Variants in MACO1 observed in about 807,000 individuals in gnomAD.
MACO1 encodes macoilin 1.
MACO1 carries 14 observed loss-of-function variants against 78.7 expected under a neutral mutation model. That is an observed-to-expected ratio of 0.18 (90% CI 0.12 to 0.28). The LOEUF (loss-of-function observed/expected upper bound fraction) is 0.28. Among genes scored for constraint, MACO1 ranks in the 10% least tolerant of loss-of-function variants. MACO1 has a pLI of 1.00. For synonymous variants in MACO1, 288 were observed against 291.6 expected, an observed-to-expected ratio of 0.99 and a Z score of 0.12; for missense variants, 501 against 799.0, an observed-to-expected ratio of 0.63 and a Z score of 4.50.
At position 25,454,382 on chromosome 1, in the gene MACO1, GGTAA is replaced by G. The variant is rs1470049714; in HGVS notation, c.473+4_473+7del. ...CTTTGTCGTCCATTTGCTGCTCACTGGTAAGTATTACATAAATGTATGTGTGTGT... is the reference window on the plus strand; with the variant it reads ...CTTTGTCGTCCATTTGCTGCTCACTGGTATTACATAAATGTATGTGTGTGT... On this transcript the variant is annotated splice_donor_variant and splice_donor_region_variant and intron_variant, in intron 4 of 10. Coordinates refer to ENST00000374343, the MANE Select transcript of MACO1 (RefSeq NM_018202.6). LOFTEE classifies it high-confidence loss of function. The G allele has an allele frequency of 1.9e-6, 3 of 1,600,220 alleles. No homozygotes were observed. Among genetic ancestry groups the G allele is most frequent in the South Asian group, 1.1e-5 (1 of 89,368 alleles).
intron 4 of MACO1, among the ~76,000 whole-genome samples, chr1:25,455,069 G>A (rs990948414): frequency 2.6e-5 from 4 of 152,080 alleles, no homozygotes; most frequent in Non-Finnish European, 5.9e-5. Context: ...CAAGCACATA[G>A]GTGTCTGATG....
chr1:25,471,142 C>A (rs2043266236), intron 6 of MACO1, among the ~76,000 whole-genome samples: 1 of 152,064 alleles, frequency 6.6e-6, no homozygotes, highest in African/African-American at 2.4e-5. Flanking sequence ...AGTTCGAGAC[C>A]AGCCTTGCCA....
chr1:25,482,487 C>T (rs905756604), intron 6 of MACO1, among the ~76,000 whole-genome samples: 2 of 152,132 alleles, frequency 1.3e-5, no homozygotes, highest in African/African-American at 4.8e-5. Context: ...ATGGCTTGCC[C>T]GCACATGTCT....
At chr1:25,457,533 T>C (rs926532987) in intron 5 of MACO1, among the ~76,000 whole-genome samples, 4 of 152,180 alleles carry the variant, frequency 2.6e-5, no homozygotes, top group Admixed American at 6.5e-5. Context: ...ACATGTAGAA[T>C]TGAACTTCAG....
chr1:25,472,321 C>T (rs757967601), intron 6 of MACO1, among the ~76,000 whole-genome samples: 2 of 152,114 alleles, frequency 1.3e-5, no homozygotes, highest in South Asian at 2.1e-4. Flanking sequence ...CCCATCAACC[C>T]GTCATCTACA....
At chr1:25,444,969 A>G (rs926928665) in intron 1 of MACO1, among the ~76,000 whole-genome samples, 1 of 151,964 alleles carries the variant, frequency 6.6e-6, no homozygotes, top group African/African-American at 2.4e-5. Context: ...TCATCTGGCC[A>G]GCAGAACTCT....
chr1:25,461,311 T>C (rs144326719), intron 6 of MACO1, among the ~76,000 whole-genome samples: 3 of 151,844 alleles, frequency 2.0e-5, no homozygotes, highest in Non-Finnish European at 2.9e-5. Flanking sequence ...TGTATACATA[T>C]GTAACAAACC....
At chr1:25,446,728 C>T in intron 1 of MACO1, 34 bp from the exon 2 acceptor site, 1 of 1,547,224 alleles carries the variant, frequency 6.5e-7, no homozygotes, top group Non-Finnish European at 8.7e-7. Context: ...TCACAAATGA[C>T]CTTAAATTAA....
intron 1 of MACO1, among the ~76,000 whole-genome samples, chr1:25,438,627 G>A (rs1031048707): frequency 6.6e-6 from 1 of 152,220 alleles, no homozygotes; most frequent in African/African-American, 2.4e-5. Flanking sequence ...ACATGACTGG[G>A]CCCCGTGGCT....
chr1:25,460,579 A>AT lies in MACO1; in HGVS notation c.1154+1694dup, dbSNP rs1386454527. On this transcript the variant is annotated intron_variant, in intron 6 of 10. Coordinates refer to ENST00000374343, the MANE Select transcript of MACO1 (RefSeq NM_018202.6). ...GCCACTATGCCTGGCTAATTTTTTA[A>AT]TTTTTTTGTAGAGAGGAGATCTCGC... Among the ~76,000 whole-genome samples the AT allele has an allele frequency of 1.3e-4, 19 of 151,886 alleles. No homozygotes were observed. The East Asian group carries it at 3.3e-3, about 26-fold the overall frequency.
At chr1:25,442,495 G>C (rs953024857) in intron 1 of MACO1, among the ~76,000 whole-genome samples, 1 of 152,174 alleles carries the variant, frequency 6.6e-6, no homozygotes, top group African/African-American at 2.4e-5. Flanking sequence ...AGGTACTAAG[G>C]ATTGATGGCC....
chr1:25,479,507 G>T (rs2043352021), intron 6 of MACO1, among the ~76,000 whole-genome samples: 1 of 152,038 alleles, frequency 6.6e-6, no homozygotes, highest in Non-Finnish European at 1.5e-5. Flanking sequence ...TCTGCCTCCT[G>T]ACTTCAAGCG....
intron 1 of MACO1, among the ~76,000 whole-genome samples, chr1:25,432,679 A>G (rs1397655523): frequency 6.6e-6 from 1 of 152,236 alleles, no homozygotes; most frequent in Non-Finnish European, 1.5e-5. Flanking sequence ...CTATTGAAAA[A>G]TATTTGACCA....
chr1:25,488,839 A>C (rs1346054992), intron 8 of MACO1, among the ~76,000 whole-genome samples: 2 of 151,778 alleles, frequency 1.3e-5, no homozygotes, highest in Non-Finnish European at 2.9e-5. Flanking sequence ...TGTTTTTGAG[A>C]TGGAGTCTCA....
intron 1 of MACO1, among the ~76,000 whole-genome samples, chr1:25,435,351 G>A (rs1031217261): frequency 6.6e-6 from 1 of 152,132 alleles, no homozygotes; most frequent in Non-Finnish European, 1.5e-5. Flanking sequence ...CAGCACTGGT[G>A]TATATGTTAT....
intron 5 of MACO1, 42 bp from the exon 6 acceptor site, chr1:25,458,349 G>C: frequency 1.3e-6 from 2 of 1,528,558 alleles, no homozygotes; most frequent in Non-Finnish European, 1.7e-6. Flanking sequence ...TAAATATTCC[G>C]GTGGGGGCTT....
Position 25,485,721 on chromosome 1 carries a change from A to G in MACO1, c.1422A>G (p.Leu474=), listed in dbSNP as rs752563207. ...QEARSFVEKQ[L]MEEKKRKKLE... is the part of the protein sequence containing the mutation. The stretch of plus-strand genomic sequence containing the variant: ...CCCGAAGTTTTGTAGAGAAACAGTT[A>G]ATGGAAGAGAAAAAGAGGAAGAAGT... Residue 474 remains leucine (L), a synonymous_variant, in exon 8 of 11, where the codon TTA becomes TTG. Coordinates refer to ENST00000374343, the MANE Select transcript of MACO1 (RefSeq NM_018202.6). The surrounding 1 kb of genome is among the most constrained non-coding windows in gnomAD (Gnocchi z 4.3). 6.2e-7 allele frequency: 1 copy of G among 1,614,156 alleles called. No homozygotes were observed. Among genetic ancestry groups the G allele is most frequent in the South Asian group, 1.1e-5 (1 of 91,080 alleles).
At chr1:25,438,762 G>C (rs927213759) in intron 1 of MACO1, among the ~76,000 whole-genome samples, 4 of 152,274 alleles carry the variant, frequency 2.6e-5, no homozygotes, top group African/African-American at 9.6e-5. Flanking sequence ...AATTAGCTGG[G>C]CGTGGTAGCA....
Position 25,489,237 on chromosome 1 carries a change from A to G in MACO1, c.1561A>G (p.Thr521Ala), listed in dbSNP as rs771125209. 1 of 1,608,670 alleles carries G rather than the reference A, an allele frequency of 6.2e-7. No individual in the cohort carries two copies. Among genetic ancestry groups the G allele is most frequent in the South Asian group, 1.1e-5 (1 of 90,980 alleles). The change falls in exon 9 of 11, where the codon ACG becomes GCG. Residue 521 changes from threonine (T) to alanine (A), a missense_variant. Physicochemically the swap from Thr to Ala is moderately conservative, Grantham distance 58. Transcript: ENST00000374343. ...RELEAEGKKL[T>A]MDMKVKEDQI... Reference sequence around the variant, plus strand: ...ACTAGAAGCAGAGGGCAAGAAGCTCACGATGGACATGAAGGTGAAAGAAGA... The same window carrying G: ...ACTAGAAGCAGAGGGCAAGAAGCTCGCGATGGACATGAAGGTGAAAGAAGA...
Sources: allele counts gnomAD v4.1 joint callset (sites outside exome capture counted in the v4.1 genomes callset), GRCh38; gene constraint gnomAD v4.1.1; non-coding constraint Gnocchi (gnomAD v3.1); transcripts MANE v1.5; gene names NCBI Gene and HGNC (gene_info 2026-07-23, HGNC 2026-07-21).